Variants in LRRC49 observed in about 807,000 individuals in gnomAD.
The protein encoded by LRRC49 is leucine-rich repeat-containing protein 49.
In LRRC49, 50 loss-of-function variants were observed where a neutral mutation model predicts 83.3. That is an observed-to-expected ratio of 0.60 (90% confidence interval 0.48 to 0.76). LRRC49 has a LOEUF of 0.76. LRRC49 is among the 30% of genes least tolerant of loss of function. LRRC49 has a pLI of 0.00. For missense variants in LRRC49, 704 were observed against 809.1 expected, an observed-to-expected ratio of 0.87 and a Z score of 1.58; for synonymous variants, 286 against 283.3, an observed-to-expected ratio of 1.01 and a Z score of -0.10.
At chr15:71,006,309 G>A (rs2141258198) in intron 11 of LRRC49, among the ~76,000 whole-genome samples, 1 of 152,196 alleles carries the variant, frequency 6.6e-6, no homozygotes, top group Non-Finnish European at 1.5e-5. Flanking sequence ...TTTTAATTAT[G>A]TGGAAAAAGA....
rs372624171 is a variant in LRRC49, at chr15:71,046,199, T to C, written c.1858-3210T>C. Among the ~76,000 whole-genome samples, 22 of 152,332 alleles carry C rather than the reference T, an allele frequency of 1.4e-4. No homozygotes were observed. The East Asian group carries it at 4.2e-3, about 29-fold the overall frequency. On this transcript the variant is annotated intron_variant, in intron 15 of 15. Transcript: ENST00000260382. ...TTTTTGGTAGAATGATTTATTTTCT[T>C]TGGAGTATATACCCAGGAATGGGAT... is the stretch of plus-strand genomic sequence containing the variant.
chr15:70,947,949 G>A (rs964209538), intron 8 of LRRC49, among the ~76,000 whole-genome samples: 39 of 152,164 alleles, frequency 2.6e-4, no homozygotes, highest in African/African-American at 9.2e-4. Context: ...CAGGAAAGGG[G>A]TGTTTTATTA....
At chr15:71,021,451 C>T (rs1208049692) in intron 14 of LRRC49, among the ~76,000 whole-genome samples, 1 of 152,020 alleles carries the variant, frequency 6.6e-6, no homozygotes, top group African/African-American at 2.4e-5. Context: ...GTGGATTAAA[C>T]AGAAAGAAAT....
chr15:70,904,796 G>A, intron 5 of LRRC49, 41 bp downstream of exon 5: 1 of 1,437,738 alleles, frequency 7.0e-7, no homozygotes, highest in Non-Finnish European at 9.7e-7. Flanking sequence ...AATGTTATGT[G>A]TAGGATTAAT....
intron 3 of LRRC49, among the ~76,000 whole-genome samples, chr15:70,897,650 G>C (rs2033893834): frequency 6.6e-6 from 1 of 152,080 alleles, no homozygotes; most frequent in Non-Finnish European, 1.5e-5. Flanking sequence ...ATTAATTTCA[G>C]CCATTTCTTA....
chr15:70,915,895 C>T (rs2034752380), intron 6 of LRRC49, among the ~76,000 whole-genome samples: 1 of 152,060 alleles, frequency 6.6e-6, no homozygotes, highest in African/African-American at 2.4e-5. Context: ...TTTCTGGAAA[C>T]TGGATGGAAC....
chr15:71,034,306 G>A (rs1219949048), intron 14 of LRRC49, among the ~76,000 whole-genome samples: 1 of 152,186 alleles, frequency 6.6e-6, no homozygotes, highest in East Asian at 1.9e-4. Context: ...CTGATTATTA[G>A]AGAAATGCAA....
chr15:71,046,300 T>C (rs1428199205), intron 15 of LRRC49, among the ~76,000 whole-genome samples: 1 of 152,216 alleles, frequency 6.6e-6, no homozygotes, highest in Non-Finnish European at 1.5e-5. Flanking sequence ...GCTGGACTAA[T>C]TTAATTATAT....
intron 6 of LRRC49, 80 bp downstream of exon 6, chr15:70,911,678 C>T (rs990125055): frequency 3.8e-5 from 31 of 820,176 alleles, no homozygotes; most frequent in Admixed American, 8.0e-5. Flanking sequence ...GAATCATACT[C>T]GCATTGAATT....
upstream of LRRC49, chr15:70,892,770 T>C: frequency 6.3e-7 from 1 of 1,594,058 alleles, no homozygotes; most frequent in Non-Finnish European, 8.5e-7. Flanking sequence ...AGACCGGAAA[T>C]GGTCGTTTCC....
intron 2 of LRRC49, chr15:70,873,308 T>C (rs2033089601): frequency 1.5e-6 from 2 of 1,347,846 alleles, no homozygotes; most frequent in Admixed American, 3.9e-5. Flanking sequence ...TCATATACGG[T>C]CAAAATACTA....
At chr15:70,911,639 A>AG in intron 6 of LRRC49, 41 bp downstream of exon 6, 1 of 1,269,350 alleles carries the variant, frequency 7.9e-7, no homozygotes, top group Non-Finnish European at 1.1e-6. Flanking sequence ...TTTGAAAAAA[A>AG]GTCCAGGAAA....
At chr15:71,040,709 A>G (rs921442188) in intron 15 of LRRC49, among the ~76,000 whole-genome samples, 1 of 150,846 alleles carries the variant, frequency 6.6e-6, no homozygotes, top group Non-Finnish European at 1.5e-5. Flanking sequence ...AGACCCAGCT[A>G]CTTGGGAGGC....
intron 2 of LRRC49, among the ~76,000 whole-genome samples, chr15:70,876,455 A>G (rs1168584373): frequency 6.6e-6 from 1 of 152,198 alleles, no homozygotes; most frequent in Non-Finnish European, 1.5e-5. Flanking sequence ...ATGATGGGCT[A>G]TGCATGACAT....
intron 2 of LRRC49, among the ~76,000 whole-genome samples, chr15:70,874,961 T>C (rs989631886): frequency 6.6e-6 from 1 of 152,240 alleles, no homozygotes; most frequent in African/African-American, 2.4e-5. Flanking sequence ...CAAATGGTTC[T>C]AGATGATTTC....
intron 3 of LRRC49, chr15:70,898,588 A>ATATT: frequency 1.9e-6 from 1 of 520,846 alleles, no homozygotes. Context: ...CCCATCTTGA[A>ATATT]CATGGGTAAT....
At chr15:70,854,136 A>G (rs1427634889) in intron 1 of LRRC49, 65 of 1,202,246 alleles carry the variant, frequency 5.4e-5, no homozygotes, top group Non-Finnish European at 6.4e-5. Context: ...CGCAAGGCCC[A>G]GCCAGCCGGT....
At chr15:71,028,282 C>T (rs541650954) in intron 14 of LRRC49, among the ~76,000 whole-genome samples, 4 of 152,002 alleles carry the variant, frequency 2.6e-5, no homozygotes, top group African/African-American at 9.7e-5. Context: ...GCCTTGTATC[C>T]CAGGGATAAA....
chr15:70,895,616 A>G, intron 2 of LRRC49: 1 of 406,278 alleles, frequency 2.5e-6, no homozygotes, highest in Non-Finnish European at 4.4e-6. Flanking sequence ...TTAAGCAGTT[A>G]CTTCCCATTC....
Sources: allele counts gnomAD v4.1 joint callset (sites outside exome capture counted in the v4.1 genomes callset), GRCh38; gene constraint gnomAD v4.1.1; transcripts MANE v1.5; gene names NCBI Gene and HGNC (gene_info 2026-07-23, HGNC 2026-07-21).